HNRNPC: variants seen among roughly 807,000 people sequenced by gnomAD.
The protein encoded by HNRNPC is heterogeneous nuclear ribonucleoprotein C, also known as heterogeneous nuclear ribonucleoproteins C1/C2.
A neutral mutation model predicts 33.2 loss-of-function variants in HNRNPC; 3 were observed. The observed-to-expected ratio is 0.09, with a 90% confidence interval of 0.04 to 0.23. The LOEUF is 0.23. HNRNPC is among the 10% of genes least tolerant of loss of function. The pLI, the probability that HNRNPC is intolerant of heterozygous loss-of-function variation, is 1.00. For synonymous variants in HNRNPC, 121 were observed against 126.7 expected (o/e 0.96, Z 0.30); for missense variants, 143 against 366.7 (o/e 0.39, Z 4.98).
intron 5 of HNRNPC, among the ~76,000 whole-genome samples, chr14:21,216,601 C>T (rs1239912813): frequency 6.6e-6 from 1 of 152,010 alleles, no homozygotes; most frequent in Non-Finnish European, 1.5e-5. Context: ...CTCAGGTACT[C>T]CGGGGGCTGA....
chr14:21,238,414 A>G (rs1178445583), intron 2 of HNRNPC, among the ~76,000 whole-genome samples: 1 of 152,156 alleles, frequency 6.6e-6, no homozygotes, highest in South Asian at 2.1e-4. Flanking sequence ...AATATCTTAA[A>G]ATGTTCTGTG....
intron 2 of HNRNPC, among the ~76,000 whole-genome samples, chr14:21,237,690 A>T (rs536528324): frequency 6.6e-6 from 1 of 152,212 alleles, no homozygotes; most frequent in Non-Finnish European, 1.5e-5. Context: ...ACAGTCCCTC[A>T]GTTCTTTCAT....
At chr14:21,265,315 A>C (rs527471944) in intron 1 of HNRNPC, 2 of 152,202 alleles carry the variant, frequency 1.3e-5, no homozygotes, top group Non-Finnish European at 2.9e-5. Context: ...TTCAAGATAC[A>C]TAACTTTATA....
At chr14:21,218,710 T>TAAAAAAAAAAA (rs1892504201) in intron 5 of HNRNPC, among the ~76,000 whole-genome samples, 4 of 46,550 alleles carry the variant, frequency 8.6e-5, no homozygotes, top group Non-Finnish European at 1.3e-4. Context: ...AAAAAAAAAC[T>TAAAAAAAAAAA]GAAATTGAGT....
At chr14:21,269,112 G>C (rs890495659) in intron 1 of HNRNPC, among the ~76,000 whole-genome samples, 186 bp downstream of exon 1, 13 of 152,168 alleles carry the variant, frequency 8.5e-5, no homozygotes, top group African/African-American at 2.9e-4. Context: ...GAGGACACCA[G>C]GTTAAACCTA....
chr14:21,233,553 C>A (rs531661129), intron 3 of HNRNPC, among the ~76,000 whole-genome samples: 1 of 152,222 alleles, frequency 6.6e-6, no homozygotes, highest in Non-Finnish European at 1.5e-5. Context: ...TTTTAAAATA[C>A]AAGAAAATCT....
chr14:21,250,853 C>T (rs972502066), intron 2 of HNRNPC, among the ~76,000 whole-genome samples: 19 of 152,146 alleles, frequency 1.2e-4, no homozygotes, highest in East Asian at 3.8e-4. Context: ...ATGTGCATAT[C>T]GGTACCACTG....
chr14:21,225,636 G>A (rs1307243708), intron 5 of HNRNPC, among the ~76,000 whole-genome samples: 1 of 152,038 alleles, frequency 6.6e-6, no homozygotes, highest in Non-Finnish European at 1.5e-5. Flanking sequence ...TAACTGGCAA[G>A]TATCCTGATG....
chr14:21,218,681 CAA>C (rs71112557), intron 5 of HNRNPC, among the ~76,000 whole-genome samples: 652 of 51,174 alleles, frequency 0.013, 1 homozygote, highest in Middle Eastern at 0.024. Context: ...AACTCTCTCT[CAA>C]AAAAAAAAAA....
At chr14:21,252,199 A>C (rs1007201825) in intron 2 of HNRNPC, among the ~76,000 whole-genome samples, 2 of 152,184 alleles carry the variant, frequency 1.3e-5, no homozygotes, top group Non-Finnish European at 2.9e-5. Context: ...AAGAACAAAT[A>C]AACAAAAAGA....
intron 5 of HNRNPC, among the ~76,000 whole-genome samples, chr14:21,218,220 T>C (rs911234722): frequency 2.0e-5 from 3 of 152,056 alleles, no homozygotes; most frequent in Admixed American, 1.3e-4. Context: ...AGCCTCACCC[T>C]CCCAAAGTGC....
intron 2 of HNRNPC, chr14:21,254,698 G>A (rs570701479): frequency 5.3e-5 from 8 of 152,264 alleles, no homozygotes; most frequent in African/African-American, 1.7e-4. Context: ...CTGAGGTCGC[G>A]AGTTCGAGAC....
chr14:21,265,968 T>C (rs549245189), intron 1 of HNRNPC, among the ~76,000 whole-genome samples: 4 of 152,330 alleles, frequency 2.6e-5, no homozygotes, highest in South Asian at 2.1e-4. Flanking sequence ...ACCCCAGACT[T>C]ACTTAATTAG....
intron 2 of HNRNPC, among the ~76,000 whole-genome samples, chr14:21,243,772 T>C (rs1895635534): frequency 6.6e-6 from 1 of 152,222 alleles, no homozygotes; most frequent in Non-Finnish European, 1.5e-5. Flanking sequence ...GAACTGAATC[T>C]TTTATATAAA....
chr14:21,215,909 AAAAG>A (rs386380834), intron 5 of HNRNPC, among the ~76,000 whole-genome samples: 127 of 149,886 alleles, frequency 8.5e-4, no homozygotes, highest in Non-Finnish European at 1.6e-3. Context: ...AAAAAAAAAA[AAAAG>A]AAAGGAAGAA....
intron 2 of HNRNPC, among the ~76,000 whole-genome samples, chr14:21,255,793 T>A: frequency 6.6e-6 from 1 of 152,172 alleles, no homozygotes; most frequent in East Asian, 1.9e-4. Context: ...TGTCTTTACA[T>A]AGAAAAAAAC....
intron 2 of HNRNPC, among the ~76,000 whole-genome samples, chr14:21,257,489 G>A (rs755551507): frequency 1.4e-4 from 21 of 151,646 alleles, no homozygotes; most frequent in Non-Finnish European, 2.5e-4. Context: ...TAATGCATCC[G>A]TCTCCGTGGT....
chr14:21,254,581 T>C (rs952914522), intron 2 of HNRNPC: 1 of 152,158 alleles, frequency 6.6e-6, no homozygotes, highest in Non-Finnish European at 1.5e-5. Flanking sequence ...CTTCAGTCAC[T>C]TGACTAGTAT....
At chr14:21,241,199 T>C (rs4982434) in intron 2 of HNRNPC, among the ~76,000 whole-genome samples, 55,082 of 144,790 alleles carry the variant, frequency 0.38, 10,393 homozygotes, top group African/African-American at 0.44. Flanking sequence ...GCGGAGGTTG[T>C]AGTAAGCCGA....
Sources: gnomAD v4.1 joint callset for allele counts (sites outside exome capture counted in the v4.1 genomes callset) on GRCh38, gnomAD v4.1.1 for gene constraint, MANE v1.5 for transcripts, NCBI Gene and HGNC (gene_info 2026-07-23, HGNC 2026-07-21) for gene names.